The following FHIP1A variants were observed in gnomAD, a reference collection of about 807,000 sequenced individuals.
The protein encoded by FHIP1A is FHF complex subunit HOOK interacting protein 1A, also known as FHF complex subunit HOOK-interacting protein 1A.
A neutral mutation model predicts 88.6 loss-of-function variants in FHIP1A; 61 were observed. That is an observed-to-expected ratio of 0.69 (90% CI 0.56 to 0.85). FHIP1A has a LOEUF of 0.85. Ranked by LOEUF, FHIP1A falls within the 40% of genes least tolerant of loss-of-function variation. FHIP1A has a pLI of 0.00. For synonymous variants in FHIP1A, 478 were observed against 496.0 expected (o/e 0.96, Z 0.48); for missense variants, 1,154 against 1,273.5 (o/e 0.91, Z 1.43).
intron 8 of FHIP1A, among the ~76,000 whole-genome samples, chr4:151,637,947 TA>T (rs1343875582): frequency 6.6e-6 from 1 of 152,152 alleles, no homozygotes; most frequent in Non-Finnish European, 1.5e-5. Flanking sequence ...AATGAGAGCT[TA>T]AAATTACTTA....
rs1357514582 is a variant in FHIP1A, at chr4:151,666,449, C to G, written c.*3695C>G. ...ATTTTTATAGGTCATCAGGAGTACC[C>G]TTTCCTTAGCAGGTGGATTTTATTT... On this transcript the variant is annotated 3_prime_UTR_variant, in exon 14 of 14. Transcript: ENST00000435205. Among the ~76,000 whole-genome samples, 1 of 152,166 alleles carries G rather than the reference C, an allele frequency of 6.6e-6. No individual in the cohort carries two copies. The highest frequency in any genetic ancestry group is 2.4e-5 in the African/African-American group (1 of 41,422).
intron 7 of FHIP1A, among the ~76,000 whole-genome samples, chr4:151,604,167 A>G (rs1822347): frequency 0.32 from 48,386 of 151,314 alleles, 7,735 homozygotes; most frequent in Non-Finnish European, 0.33. Flanking sequence ...CTTTCTTCAA[A>G]GACCAGCCTA....
chr4:151,593,744 C>G (rs1734533867), intron 7 of FHIP1A, among the ~76,000 whole-genome samples: 1 of 152,138 alleles, frequency 6.6e-6, no homozygotes, highest in Non-Finnish European at 1.5e-5. Context: ...TGTTTGAATA[C>G]CCTTTATTTC....
chr4:151,662,718 C>T lies in FHIP1A; in HGVS notation c.3087C>T (p.Tyr1029=), dbSNP rs1737512955. 1 of 1,538,674 alleles carries T rather than the reference C, an allele frequency of 6.5e-7. No individual in the cohort carries two copies. Among genetic ancestry groups the T allele is most frequent in the African/African-American group, 1.4e-5 (1 of 72,042 alleles). The part of the protein sequence containing the change: ...ALAQEHSILC[Y]KILGDFEDSC... ...CCCAGGAACACTCCATTCTGTGCTA[C>T]AAGATCTTGGGTGACTTTGAGGACT... The change falls in exon 14 of 14, where the codon TAC becomes TAT. Residue 1029 remains tyrosine (Y), a synonymous_variant. Coordinates refer to ENST00000435205, the MANE Select transcript of FHIP1A (RefSeq NM_001109977.3).
chr4:151,594,169 C>T (rs1256103498), intron 7 of FHIP1A, among the ~76,000 whole-genome samples: 4 of 150,850 alleles, frequency 2.7e-5, no homozygotes, highest in African/African-American at 9.7e-5. Flanking sequence ...ATTGCCAGAT[C>T]GATGTTCATC....
intron 1 of FHIP1A, among the ~76,000 whole-genome samples, chr4:151,441,837 CAA>C (rs996288248): frequency 6.6e-6 from 1 of 152,140 alleles, no homozygotes; most frequent in Non-Finnish European, 1.5e-5. Context: ...TTAAGCTCAT[CAA>C]AAGAGAAATT....
chr4:151,649,282 T>A (rs1736909068), intron 10 of FHIP1A, among the ~76,000 whole-genome samples, 177 bp from the exon 11 acceptor site: 1 of 152,228 alleles, frequency 6.6e-6, no homozygotes, highest in African/African-American at 2.4e-5. Context: ...AGAGTTTCTA[T>A]TATTAATCTT....
chr4:151,521,730 T>A (rs532890726), intron 3 of FHIP1A, among the ~76,000 whole-genome samples: 2 of 151,938 alleles, frequency 1.3e-5, no homozygotes, highest in East Asian at 1.9e-4. Context: ...TGTATTTTTT[T>A]ATTTATTTAT....
chr4:151,414,025 C>G (rs1732785672), intron 1 of FHIP1A, among the ~76,000 whole-genome samples: 1 of 150,134 alleles, frequency 6.7e-6, no homozygotes, highest in African/African-American at 2.5e-5. Context: ...CTAGGCAGTT[C>G]TTTTGCCTTC....
chr4:151,596,401 G>C (rs1734649731), intron 7 of FHIP1A, among the ~76,000 whole-genome samples: 1 of 152,194 alleles, frequency 6.6e-6, no homozygotes, highest in African/African-American at 2.4e-5. Context: ...CTGTTAGTCT[G>C]ATGGGCTTCC....
intron 3 of FHIP1A, among the ~76,000 whole-genome samples, chr4:151,561,632 G>A (rs1458099712): frequency 2.6e-5 from 4 of 152,060 alleles, no homozygotes; most frequent in Admixed American, 2.6e-4. Flanking sequence ...TACATGATAA[G>A]CACATTTACA....
chr4:151,571,847 G>A (rs1339458573), intron 4 of FHIP1A, among the ~76,000 whole-genome samples: 1 of 152,210 alleles, frequency 6.6e-6, no homozygotes, highest in African/African-American at 2.4e-5. Context: ...AAGGTAAAGT[G>A]AACCAAAGTT....
At chr4:151,527,411 GC>G (rs1434831513) in intron 3 of FHIP1A, among the ~76,000 whole-genome samples, 1 of 152,202 alleles carries the variant, frequency 6.6e-6, no homozygotes, top group Admixed American at 6.5e-5. Flanking sequence ...GCAGTCGCAG[GC>G]ACTCGGCAGG....
At chr4:151,566,096 A>G in intron 3 of FHIP1A, 42 bp from the exon 4 acceptor site, 1 of 484,480 alleles carries the variant, frequency 2.1e-6, no homozygotes, top group Non-Finnish European at 3.7e-6. Context: ...TATTTAATTT[A>G]TGAACATAAT....
intron 7 of FHIP1A, among the ~76,000 whole-genome samples, chr4:151,623,486 C>T (rs1312512123): frequency 2.3e-5 from 3 of 129,918 alleles, no homozygotes; most frequent in East Asian, 4.6e-4. Context: ...AAATTTTGTT[C>T]TTTTGCCACC....
chr4:151,573,157 C>A (rs1349484698), intron 4 of FHIP1A, among the ~76,000 whole-genome samples: 1 of 152,016 alleles, frequency 6.6e-6, no homozygotes, highest in Non-Finnish European at 1.5e-5. Flanking sequence ...TCTATAAATT[C>A]GATATTTTTA....
intron 3 of FHIP1A, among the ~76,000 whole-genome samples, chr4:151,498,002 A>G (rs1730522480): frequency 6.6e-6 from 1 of 152,136 alleles, no homozygotes; most frequent in Non-Finnish European, 1.5e-5. Flanking sequence ...TTGTCAGATT[A>G]TCAAGAATCC....
At chr4:151,487,294 G>A (rs766769567) in intron 3 of FHIP1A, among the ~76,000 whole-genome samples, 1 of 151,888 alleles carries the variant, frequency 6.6e-6, no homozygotes, top group Non-Finnish European at 1.5e-5. Context: ...TAGAAGAATC[G>A]TTTGTGAGTC....
At position 151,604,728 on chromosome 4, in the gene FHIP1A, A is replaced by C. The variant is rs112806436; in HGVS notation, c.978+15802A>C. Among the ~76,000 whole-genome samples, 465 of 152,080 alleles carry C rather than the reference A, an allele frequency of 3.1e-3. 2 individuals carry two copies. The highest frequency in any genetic ancestry group is 0.011 in the African/African-American group (452 of 41,456). ...GCTGGGCATGGTGGTGGGCGCCTGTAGACCCAGCTACTCAGGAGGCTGCAG... is the reference window on the plus strand; with the variant it reads ...GCTGGGCATGGTGGTGGGCGCCTGTCGACCCAGCTACTCAGGAGGCTGCAG... On this transcript the variant is annotated intron_variant, in intron 7 of 13. Coordinates refer to ENST00000435205, the MANE Select transcript of FHIP1A (RefSeq NM_001109977.3).
Sources: gnomAD v4.1 joint callset for allele counts (sites outside exome capture counted in the v4.1 genomes callset) on GRCh38, gnomAD v4.1.1 for gene constraint, MANE v1.5 for transcripts, NCBI Gene and HGNC (gene_info 2026-07-23, HGNC 2026-07-21) for gene names.